Variants in LRRC7 observed in about 807,000 individuals in gnomAD.
LRRC7 encodes leucine rich repeat containing 7, also known as leucine-rich repeat-containing protein 7.
In LRRC7, 23 loss-of-function variants were observed where a neutral mutation model predicts 175.7. The ratio of observed to expected loss-of-function variants is 0.13; its 90% CI spans 0.09 to 0.19. LRRC7 has a LOEUF of 0.19. LRRC7 is among the 10% of genes least tolerant of loss of function. The pLI is 1.00. For missense variants in LRRC7, 1,354 were observed against 1,904.7 expected (o/e 0.71, Z 5.38); for synonymous variants, 685 against 680.9 (o/e 1.01, Z -0.09).
chr1:70,133,912 A>T lies in LRRC7; in HGVS notation c.*12025A>T, dbSNP rs1666771211. 6.6e-6 allele frequency among the ~76,000 whole-genome samples: 1 copy of T among 152,134 alleles called. No homozygotes were observed. The highest frequency in any genetic ancestry group is 2.1e-4 in the South Asian group (1 of 4,826). On this transcript the variant is annotated 3_prime_UTR_variant, in exon 27 of 27. Coordinates refer to ENST00000651989, the MANE Select transcript of LRRC7 (RefSeq NM_001370785.2). ...ATAGATTTGTCTCAAGTTACTCAAA[A>T]TTTATTTTTAAAGTTAACTTTCCAA... is the stretch of plus-strand genomic sequence containing the variant.
chr1:69,858,601 A>G (rs927925456), intron 7 of LRRC7, among the ~76,000 whole-genome samples: 33 of 151,990 alleles, frequency 2.2e-4, no homozygotes, highest in Non-Finnish European at 4.4e-5. Flanking sequence ...CTCTGGATTC[A>G]AGGTTTACCA....
At chr1:69,926,908 G>T (rs1647094346) in intron 7 of LRRC7, among the ~76,000 whole-genome samples, 1 of 152,114 alleles carries the variant, frequency 6.6e-6, no homozygotes, top group South Asian at 2.1e-4. Context: ...AGCCTCAATG[G>T]TCTTTACATT....
At chr1:69,983,314 A>C (rs1653624036) in intron 9 of LRRC7, among the ~76,000 whole-genome samples, 1 of 152,236 alleles carries the variant, frequency 6.6e-6, no homozygotes, top group South Asian at 2.1e-4. Flanking sequence ...GGAGATTTGC[A>C]CTGGGTTAAT....
At chr1:70,074,321 T>G (rs1267927409) in intron 23 of LRRC7, among the ~76,000 whole-genome samples, 1 of 151,872 alleles carries the variant, frequency 6.6e-6, no homozygotes, top group Non-Finnish European at 1.5e-5. Flanking sequence ...AAAGAAAAGA[T>G]ATTCCATGGC....
At chr1:69,774,775 G>A (rs947333765) in intron 3 of LRRC7, among the ~76,000 whole-genome samples, 14 of 152,130 alleles carry the variant, frequency 9.2e-5, no homozygotes, top group Non-Finnish European at 2.1e-4. Flanking sequence ...ATGCTGGGAA[G>A]ATTAGGAAAA....
chr1:69,719,946 T>C (rs1666170811), intron 2 of LRRC7, among the ~76,000 whole-genome samples: 2 of 151,660 alleles, frequency 1.3e-5, no homozygotes, highest in Non-Finnish European at 3.0e-5. Flanking sequence ...AACTTACATT[T>C]GGTTAATATT....
intron 8 of LRRC7, among the ~76,000 whole-genome samples, chr1:69,936,261 G>T (rs1031971937): frequency 6.6e-6 from 1 of 152,070 alleles, no homozygotes. Flanking sequence ...AGTTGATCAA[G>T]TTTCTCAAAA....
At chr1:69,932,668 TTAGA>T (rs1357035241) in intron 8 of LRRC7, among the ~76,000 whole-genome samples, 1 of 152,224 alleles carries the variant, frequency 6.6e-6, no homozygotes, top group Non-Finnish European at 1.5e-5. Flanking sequence ...ATTTAAGAAG[TTAGA>T]TAGTCCCTTT....
At chr1:69,943,949 A>AACACACACACACACACAC (rs55900412) in intron 8 of LRRC7, among the ~76,000 whole-genome samples, 5 of 145,402 alleles carry the variant, frequency 3.4e-5, no homozygotes, top group East Asian at 2.0e-4. Flanking sequence ...TATCATGGTA[A>AACACACACACACACACAC]ACACACACAC....
At chr1:70,050,752 G>C (rs1272511343) in intron 22 of LRRC7, among the ~76,000 whole-genome samples, 1 of 151,770 alleles carries the variant, frequency 6.6e-6, no homozygotes, top group East Asian at 1.9e-4. Flanking sequence ...TACTCCTTTG[G>C]GAAAGAATAT....
At chr1:69,812,748 G>T (rs368892473) in intron 4 of LRRC7, among the ~76,000 whole-genome samples, 1 of 151,976 alleles carries the variant, frequency 6.6e-6, no homozygotes, top group Non-Finnish European at 1.5e-5. Context: ...CATTCAATAT[G>T]CATTATTCCT....
intron 7 of LRRC7, chr1:69,920,364 C>T (rs1646855205): frequency 6.6e-6 from 1 of 151,230 alleles, no homozygotes; most frequent in African/African-American, 2.4e-5. Context: ...TGAGCATGCT[C>T]TGTTTTGGAA....
At chr1:70,061,792 C>G (rs1571212471) in intron 23 of LRRC7, among the ~76,000 whole-genome samples, 2 of 152,226 alleles carry the variant, frequency 1.3e-5, no homozygotes, top group Middle Eastern at 3.4e-3. Flanking sequence ...GAAATGCAAC[C>G]ATACTTTCCT....
intron 4 of LRRC7, among the ~76,000 whole-genome samples, chr1:69,797,238 G>A (rs1359672120): frequency 6.6e-6 from 1 of 152,282 alleles, no homozygotes; most frequent in African/African-American, 2.4e-5. Context: ...TAAGTAATGA[G>A]TAGCCACTAA....
At chr1:69,952,843 T>C (rs1190223783) in intron 8 of LRRC7, among the ~76,000 whole-genome samples, 1 of 151,786 alleles carries the variant, frequency 6.6e-6, no homozygotes, top group Non-Finnish European at 1.5e-5. Flanking sequence ...GGAGCCCTCC[T>C]TTGGAGAACA....
intron 24 of LRRC7, among the ~76,000 whole-genome samples, chr1:70,084,182 A>T (rs1663429652): frequency 6.6e-6 from 1 of 152,144 alleles, no homozygotes; most frequent in Admixed American, 6.5e-5. Flanking sequence ...ATTTATATAC[A>T]GTAAAGTTCA....
chr1:69,583,874 C>T lies in LRRC7; in HGVS notation c.2+15233C>T, dbSNP rs548590137. 7.9e-5 allele frequency among the ~76,000 whole-genome samples: 12 copies of T among 152,146 alleles called. No homozygotes were observed. The East Asian group carries it at 2.1e-3, about 27-fold the overall frequency. On this transcript the variant is annotated intron_variant, in intron 1 of 26. Coordinates refer to ENST00000651989, the MANE Select transcript of LRRC7 (RefSeq NM_001370785.2). ...TTTCTGAGGGGTTCATTTCATCACA[C>T]CAATTATCAGTATGTATGCAAGGCC...
At chr1:69,757,865 T>A (rs34095572) in intron 2 of LRRC7, among the ~76,000 whole-genome samples, 5,006 of 151,866 alleles carry the variant, frequency 0.033, 98 homozygotes, top group African/African-American at 0.054. Context: ...ATGTGACTAC[T>A]AGATACTCAA....
intron 17 of LRRC7, among the ~76,000 whole-genome samples, chr1:70,027,067 C>T (rs562507598): frequency 6.6e-5 from 10 of 152,042 alleles, no homozygotes; most frequent in Admixed American, 5.9e-4. Context: ...CTTCCTCTTC[C>T]TTTCACTGCT....
Sources: gnomAD v4.1 joint callset for allele counts (sites outside exome capture counted in the v4.1 genomes callset) on GRCh38, gnomAD v4.1.1 for gene constraint, MANE v1.5 for transcripts, NCBI Gene and HGNC (gene_info 2026-07-23, HGNC 2026-07-21) for gene names.